Variants in DCAF8L2 observed in about 807,000 individuals in gnomAD.
The protein encoded by DCAF8L2 is DDB1 and CUL4 associated factor 8 like 2.
For missense variants in DCAF8L2, 430 were observed against 490.7 expected, an observed-to-expected ratio of 0.88 and a Z score of 1.17; for synonymous variants, 200 against 190.9, an observed-to-expected ratio of 1.05 and a Z score of -0.39.
At chrX:27,544,896 A>T in the DCAF8L2 span, among the ~76,000 whole-genome samples, 35 of 112,115 alleles carry the variant, frequency 3.1e-4, no homozygotes, top group African/African-American at 1.1e-3. Context: ...CAGTAAAGAC[A>T]CGAGTAATTA....
chrX:27,713,794 A>T (rs1931605882), intron 3 of DCAF8L2, among the ~76,000 whole-genome samples: 1 of 111,348 alleles, frequency 9.0e-6, no homozygotes, highest in South Asian at 3.8e-4. Flanking sequence ...TTCCAATGAA[A>T]CTTGATTTAC....
At chrX:27,682,041 G>A (rs1930347055) in intron 3 of DCAF8L2, among the ~76,000 whole-genome samples, 1 of 111,311 alleles carries the variant, frequency 9.0e-6, no homozygotes, top group South Asian at 3.8e-4. Context: ...ATAGCTCACT[G>A]CAGCCTTGTA....
the DCAF8L2 span, among the ~76,000 whole-genome samples, chrX:27,478,247 A>G: frequency 8.9e-6 from 1 of 112,261 alleles, no homozygotes; most frequent in Non-Finnish European, 1.9e-5. Flanking sequence ...GATGCAAACG[A>G]TTAAAGATTA....
chrX:27,568,571 AT>A, the DCAF8L2 span, among the ~76,000 whole-genome samples: 1 of 111,077 alleles, frequency 9.0e-6, no homozygotes, highest in Non-Finnish European at 1.9e-5. Context: ...TGGATTTTTA[AT>A]TTCAATGTCT....
chrX:27,611,506 CAT>C (rs770508129), intron 1 of DCAF8L2, among the ~76,000 whole-genome samples: 5 of 109,793 alleles, frequency 4.6e-5, no homozygotes, highest in Non-Finnish European at 5.7e-5. Context: ...AAGTTTGTGA[CAT>C]ATGTTTACAT....
intron 1 of DCAF8L2, among the ~76,000 whole-genome samples, chrX:27,619,032 T>C (rs907692749): frequency 2.2e-4 from 24 of 109,818 alleles, no homozygotes; most frequent in Non-Finnish European, 3.6e-4. Context: ...TCTATCTATC[T>C]ATCTATCTAT....
chrX:27,564,851 A>T, the DCAF8L2 span, among the ~76,000 whole-genome samples: 2 of 109,591 alleles, frequency 1.8e-5, no homozygotes, highest in African/African-American at 6.6e-5. Flanking sequence ...AGGTGATTTT[A>T]AAAAAAAATT....
At chrX:27,722,889 C>T (rs1931947579) in intron 4 of DCAF8L2, among the ~76,000 whole-genome samples, 1 of 109,864 alleles carries the variant, frequency 9.1e-6, no homozygotes, top group African/African-American at 3.3e-5. Flanking sequence ...TAACTGTAAT[C>T]CCAGGAGAAT....
At chrX:27,499,231 C>T in the DCAF8L2 span, among the ~76,000 whole-genome samples, 1 of 112,031 alleles carries the variant, frequency 8.9e-6, no homozygotes, top group African/African-American at 3.2e-5. Context: ...TTCACCAACA[C>T]GTGTTATCTT....
intron 2 of DCAF8L2, among the ~76,000 whole-genome samples, chrX:27,673,236 A>C (rs1319440467): frequency 9.0e-6 from 1 of 111,033 alleles, no homozygotes; most frequent in Non-Finnish European, 1.9e-5. Context: ...GACCAAGCAC[A>C]GTGGCTAACC....
rs1931967375 is a variant in DCAF8L2, at chrX:27,723,418, C to G, written c.-59+7247C>G. Among the ~76,000 whole-genome samples the G allele has an allele frequency of 2.7e-5, 3 of 110,193 alleles. No individual in the cohort carries two copies. In the South Asian group the frequency reaches 1.1e-3, roughly 41 times the overall value. On this transcript the variant is annotated intron_variant, in intron 4 of 4. Transcript: ENST00000451261. ...ACCAACAACACAACAGAAAAATGGG[C>G]AAAGAAATGAACCAATAATTCTTAG...
chrX:27,688,667 T>A (rs771743306), intron 3 of DCAF8L2, among the ~76,000 whole-genome samples: 1 of 111,793 alleles, frequency 8.9e-6, no homozygotes, highest in East Asian at 2.8e-4. Context: ...ATTCTATAAC[T>A]ATCTCTTGTG....
chrX:27,591,329 T>A (rs1419432773), intron 1 of DCAF8L2, among the ~76,000 whole-genome samples: 1 of 110,923 alleles, frequency 9.0e-6, no homozygotes, highest in African/African-American at 3.3e-5. Context: ...AATAACACTT[T>A]CCAGATACTA....
chrX:27,471,412 A>G, the DCAF8L2 span, among the ~76,000 whole-genome samples: 1 of 111,204 alleles, frequency 9.0e-6, no homozygotes, highest in Non-Finnish European at 1.9e-5. Context: ...CTATAAATCT[A>G]CACTCTTTAG....
the DCAF8L2 span, among the ~76,000 whole-genome samples, chrX:27,548,333 CT>C: frequency 1.6e-4 from 18 of 111,320 alleles, no homozygotes; most frequent in African/African-American, 5.6e-4. Flanking sequence ...TATCCCCTAA[CT>C]AAAAAGAGTC....
the DCAF8L2 span, among the ~76,000 whole-genome samples, chrX:27,521,349 A>G: frequency 8.9e-6 from 1 of 112,398 alleles, no homozygotes; most frequent in African/African-American, 3.2e-5. Context: ...TTCAACTTCA[A>G]TTTTCAATCC....
chrX:27,566,707 T>C, the DCAF8L2 span, among the ~76,000 whole-genome samples: 6 of 111,477 alleles, frequency 5.4e-5, no homozygotes, highest in African/African-American at 1.6e-4. Context: ...TTCTATTTTT[T>C]AATATTCTCA....
At chrX:27,673,109 GC>G (rs66631503) in intron 2 of DCAF8L2, among the ~76,000 whole-genome samples, 50,867 of 109,287 alleles carry the variant, frequency 0.47, 8,575 homozygotes, top group Middle Eastern at 0.57. Flanking sequence ...TACTCCTAAA[GC>G]AAGCTGGCTA....
At chrX:27,608,377 CGTATT>C (rs1426938362) in intron 1 of DCAF8L2, among the ~76,000 whole-genome samples, 2 of 111,048 alleles carry the variant, frequency 1.8e-5, no homozygotes, top group Non-Finnish European at 3.8e-5. Context: ...ACTTTGATGT[CGTATT>C]GTAATAAAAT....
Sources: gnomAD v4.1 joint callset for allele counts (sites outside exome capture counted in the v4.1 genomes callset) on GRCh38, gnomAD v4.1.1 for gene constraint, MANE v1.5 for transcripts, NCBI Gene and HGNC (gene_info 2026-07-23, HGNC 2026-07-21) for gene names.